Variants in DGKE observed in about 807,000 individuals in gnomAD.
DGKE encodes DAG kinase epsilon.
Under a neutral mutation model 70.0 loss-of-function variants are expected in DGKE, and 53 were observed. The observed-to-expected ratio is 0.76, with a 90% confidence interval of 0.61 to 0.95. The LOEUF (loss-of-function observed/expected upper bound fraction) is 0.95. DGKE is among the 40% of genes least tolerant of loss of function. The pLI is 0.00. For synonymous variants in DGKE, 291 were observed against 257.0 expected, an observed-to-expected ratio of 1.13 and a Z score of -1.27; for missense variants, 655 against 706.9, an observed-to-expected ratio of 0.93 and a Z score of 0.83.
chr17:56,847,684 C>A (rs1907377164), intron 4 of DGKE: 1 of 212,550 alleles, frequency 4.7e-6, no homozygotes, highest in Non-Finnish European at 9.3e-6. Context: ...GTGATTTAAC[C>A]TTCCTGCACC....
chr17:56,849,468 G>A (rs1046798111), intron 7 of DGKE, among the ~76,000 whole-genome samples: 1 of 152,202 alleles, frequency 6.6e-6, no homozygotes, highest in African/African-American at 2.4e-5. Flanking sequence ...TGGTACGGGA[G>A]TTGGTCCTTA....
chr17:56,853,433 G>A (rs1423233110), intron 7 of DGKE, among the ~76,000 whole-genome samples: 1 of 152,136 alleles, frequency 6.6e-6, no homozygotes, highest in East Asian at 1.9e-4. Context: ...TATAGTTTCA[G>A]GTTGTACATT....
At chr17:56,862,478 A>C in intron 11 of DGKE, 134 bp from the exon 12 acceptor site, 1 of 946,054 alleles carries the variant, frequency 1.1e-6, no homozygotes, top group Admixed American at 3.1e-5. Context: ...TCAATGAATA[A>C]AAACATATTC....
rs562415373 is a variant in DGKE at position 56,852,151 on chromosome 17, G to A, written c.1098+2919G>A. Among the ~76,000 whole-genome samples the A allele has an allele frequency of 3.4e-4, 52 of 152,236 alleles. 1 individual carries two copies. Among genetic ancestry groups the A allele is most frequent in the Non-Finnish European group, 2.4e-4 (16 of 67,998 alleles). On this transcript the variant is annotated intron_variant, in intron 7 of 11. Coordinates refer to ENST00000284061, the MANE Select transcript of DGKE (RefSeq NM_003647.3). ...AAATTGGCGGGGTGCGGTGGCTCAC[G>A]CCTGTAATCCCAGCACTCTGGGAGG... is the stretch of plus-strand genomic sequence containing the variant.
Position 56,835,170 on chromosome 17 carries a change from C to T in DGKE, c.375C>T (p.His125=). ...NDTKVLDAMP[H]HWIRGNVPLC... ...CCAAGGTCCTGGACGCCATGCCCCA[C>T]CACTGGATCCGGGGCAACGTGCCCC... Residue 125 remains histidine, a synonymous_variant, in exon 2 of 12, where the codon CAC becomes CAT. Transcript: ENST00000284061. 1.2e-6 allele frequency: 2 copies of T among 1,614,118 alleles called. No individual in the cohort carries two copies. Among genetic ancestry groups the T allele is most frequent in the Admixed American group, 3.3e-5 (2 of 60,028 alleles).
At chr17:56,852,734 CT>C (rs1200877250) in intron 7 of DGKE, among the ~76,000 whole-genome samples, 1 of 152,128 alleles carries the variant, frequency 6.6e-6, no homozygotes, top group African/African-American at 2.4e-5. Flanking sequence ...ATGTATTTCT[CT>C]TTTTGATAGT....
chr17:56,845,819 G>GA lies in DGKE; in HGVS notation c.744+17dup. ...GTTGAATCCAGTCCAGGTAACTAAA[G>GA]AAAAAAACTTTTTATATTAATGTTT... On this transcript the variant is annotated intron_variant, in intron 4 of 11. Transcript: ENST00000284061. 1 of 1,559,666 alleles carries GA rather than the reference G, an allele frequency of 6.4e-7. No individual in the cohort carries two copies. The highest frequency in any genetic ancestry group is 1.4e-5 in the African/African-American group (1 of 71,464).
At chr17:56,859,426 CTTTT>C (rs756657239) in intron 9 of DGKE, among the ~76,000 whole-genome samples, 4 of 146,706 alleles carry the variant, frequency 2.7e-5, no homozygotes, top group African/African-American at 7.5e-5. Context: ...ATATGGCAGT[CTTTT>C]TTTTTTTGAG....
In DGKE at chr17:56,843,204, C is replaced by G. The variant is rs192180839; in HGVS notation, c.465-815C>G. On this transcript the variant is annotated intron_variant, in intron 2 of 11. Coordinates refer to ENST00000284061, the MANE Select transcript of DGKE (RefSeq NM_003647.3). ...TGTGGATCATATCTATTGATATTTACCATGTCATAAATTAAAACTGATAAA... is the reference window on the plus strand; with the variant it reads ...TGTGGATCATATCTATTGATATTTAGCATGTCATAAATTAAAACTGATAAA... Among the ~76,000 whole-genome samples the G allele has an allele frequency of 1.3e-3, 195 of 152,060 alleles. 1 individual carries two copies. Among genetic ancestry groups the G allele is most frequent in the Non-Finnish European group, 2.4e-3 (162 of 67,974 alleles).
chr17:56,858,576 T>A lies in DGKE; in HGVS notation c.1213-18T>A. The A allele has an allele frequency of 6.3e-7, 1 of 1,580,248 alleles. No individual in the cohort carries two copies. On this transcript the variant is annotated intron_variant, in intron 8 of 11. Transcript: ENST00000284061. ...GTTAGATTGTTTTAATATTATATTTTCTGTCCATTTTTCATAGGCGGTTTA... is the reference window on the plus strand; with the variant it reads ...GTTAGATTGTTTTAATATTATATTTACTGTCCATTTTTCATAGGCGGTTTA...
At position 56,844,084 on chromosome 17, in the gene DGKE, G is replaced by A; in HGVS notation, c.530G>A (p.Cys177Tyr). 1 of 1,583,262 alleles carries A rather than the reference G, an allele frequency of 6.3e-7. No homozygotes were observed. ...CMKNSLKNEK[C>Y]DFGEFKNLII... ...AAAAATAGTTTAAAGAATGAAAAAT[G>A]TGATTTTGGAGAATTCAAAAACCTA... The change falls in exon 3 of 12, where the codon TGT (cysteine) becomes TAT (tyrosine). Residue 177 changes from cysteine to tyrosine, a missense_variant. Coordinates refer to ENST00000284061, the MANE Select transcript of DGKE (RefSeq NM_003647.3).
intron 2 of DGKE, chr17:56,836,410 C>T (rs1240205953): frequency 6.6e-6 from 1 of 152,150 alleles, no homozygotes; most frequent in Non-Finnish European, 1.5e-5. Context: ...AAATGCTGTC[C>T]TTCTGGCATC....
chr17:56,834,824 G>T lies in DGKE; in HGVS notation c.29G>T (p.Gly10Val). ...GAAGCGGAGAGGCGGCCGGCGCCGG[G>T]CTCGCCCTCCGAGGGCCTGTTTGCG... is the stretch of plus-strand genomic sequence containing the variant. MEAERRPAP[G>V]SPSEGLFADG... is the part of the protein sequence containing the mutation. The change falls in exon 2 of 12, where the codon GGC (glycine) becomes GTC (valine). Residue 10 changes from glycine (G) to valine (V), a missense_variant. Physicochemically the swap from Gly to Val is moderately radical, Grantham distance 109. Coordinates refer to ENST00000284061, the MANE Select transcript of DGKE (RefSeq NM_003647.3). 1 of 1,606,976 alleles carries T rather than the reference G, an allele frequency of 6.2e-7. No individual in the cohort carries two copies. Among genetic ancestry groups the T allele is most frequent in the Non-Finnish European group, 8.5e-7 (1 of 1,177,492 alleles).
intron 2 of DGKE, among the ~76,000 whole-genome samples, chr17:56,841,184 G>A (rs1598020572): frequency 6.6e-6 from 1 of 151,520 alleles, no homozygotes; most frequent in East Asian, 1.9e-4. Context: ...CCAGTATGTG[G>A]AGGTTGCAGT....
chr17:56,850,133 C>A (rs371130263), intron 7 of DGKE, among the ~76,000 whole-genome samples: 1 of 134,236 alleles, frequency 7.4e-6, no homozygotes. Flanking sequence ...TTTTTTTTTT[C>A]TTTTGTTGTG....
chr17:56,843,428 A>G (rs1907103416), intron 2 of DGKE, among the ~76,000 whole-genome samples: 1 of 152,128 alleles, frequency 6.6e-6, no homozygotes, highest in Non-Finnish European at 1.5e-5. Flanking sequence ...TTGAGGGTGA[A>G]ATAACTCTTT....
intron 3 of DGKE, 105 bp downstream of exon 3, chr17:56,844,283 A>G (rs1907161042): frequency 1.4e-6 from 1 of 725,918 alleles, no homozygotes; most frequent in African/African-American, 1.8e-5. Flanking sequence ...TGCCAGGAAT[A>G]AAATAAACTT....
rs1908492021 is a variant in DGKE, at chr17:56,865,457, G to A, written c.*2666G>A. On this transcript the variant is annotated 3_prime_UTR_variant, in exon 12 of 12. Coordinates refer to ENST00000284061, the MANE Select transcript of DGKE (RefSeq NM_003647.3). ...GCTCTTAAAGATCCCTTAGGCAGAT[G>A]ATGATAATTTTCAGTGTTTCGTCAT... The A allele has an allele frequency of 6.6e-6, 1 of 152,026 alleles. No individual in the cohort carries two copies. The highest frequency in any genetic ancestry group is 1.5e-5 in the Non-Finnish European group (1 of 67,986). The allele number at this position is 152,026 out of a possible 1,614,324, so 9.4% of individuals were successfully genotyped here.
At chr17:56,858,822 A>G (rs1218438983) in intron 9 of DGKE, among the ~76,000 whole-genome samples, 157 bp downstream of exon 9, 2 of 152,166 alleles carry the variant, frequency 1.3e-5, no homozygotes, top group African/African-American at 4.8e-5. Context: ...CTTTATACAC[A>G]TTGTCCCTCT....
Sources: gnomAD v4.1 joint callset for allele counts (sites outside exome capture counted in the v4.1 genomes callset) on GRCh38, gnomAD v4.1.1 for gene constraint, MANE v1.5 for transcripts, NCBI Gene and HGNC (gene_info 2026-07-23, HGNC 2026-07-21) for gene names.